NKAIN3: variants seen among roughly 807,000 people sequenced by gnomAD.
NKAIN3 encodes sodium/potassium-transporting ATPase subunit beta-1-interacting protein 3.
A neutral mutation model predicts 30.2 loss-of-function variants in NKAIN3; 25 were observed. The observed-to-expected ratio is 0.83, with a 90% confidence interval of 0.60 to 1.16. NKAIN3 has a LOEUF of 1.16. Ranked by LOEUF, NKAIN3 falls within the 50% of genes most tolerant of loss-of-function variation. The pLI is 0.00. For synonymous variants in NKAIN3, 91 were observed against 89.6 expected (o/e 1.02, Z -0.09); for missense variants, 225 against 254.1 (o/e 0.89, Z 0.78).
chr8:62,908,541 G>A (rs1821846280), intron 4 of NKAIN3, among the ~76,000 whole-genome samples: 1 of 152,136 alleles, frequency 6.6e-6, no homozygotes. Context: ...GAGGGACCCA[G>A]TGGGAGGTAG....
chr8:62,966,383 C>T lies in NKAIN3; in HGVS notation c.*976C>T. On this transcript the variant is annotated 3_prime_UTR_variant, in exon 7 of 7. Transcript: ENST00000623646. Reference sequence around the variant, plus strand: ...AGAAAATGATATGGGAAGCAATTATCTGTGGAAAAAAGGACTGTCTTGAAA... The same window carrying T: ...AGAAAATGATATGGGAAGCAATTATTTGTGGAAAAAAGGACTGTCTTGAAA... The T allele has an allele frequency of 1.0e-6, 1 of 985,176 alleles. No individual in the cohort carries two copies. The highest frequency in any genetic ancestry group is 1.2e-6 in the Non-Finnish European group (1 of 829,752). The allele number at this position is 985,176 out of a possible 1,614,324, so 61.0% of individuals were successfully genotyped here. A position where few individuals can be genotyped will look rare whatever the true frequency, so the allele number is the denominator to read the frequency against.
At chr8:62,304,199 G>A (rs1370897509) in intron 1 of NKAIN3, among the ~76,000 whole-genome samples, 1 of 150,448 alleles carries the variant, frequency 6.6e-6, no homozygotes, top group Non-Finnish European at 1.5e-5. Context: ...TAAGCAGATT[G>A]TCCATTAGGA....
chr8:62,856,404 C>T lies in NKAIN3; in HGVS notation c.472-62049C>T, dbSNP rs1036834681. 45 of 801,118 alleles carry T rather than the reference C, an allele frequency of 5.6e-5. 1 individual carries two copies. Among genetic ancestry groups the T allele is most frequent in the Admixed American group, 3.9e-4 (23 of 58,360 alleles). The allele number at this position is 801,118 out of a possible 1,614,324, so 49.6% of individuals were successfully genotyped here. A position where few individuals can be genotyped will look rare whatever the true frequency, so the allele number is the denominator to read the frequency against. ...GTTTGCTGGATTCCTCAAAGTGAAC[C>T]CTGAGGTCCTCATCCTCTGCTATGC... is the stretch of plus-strand genomic sequence containing the variant. On this transcript the variant is annotated intron_variant, in intron 4 of 6. Transcript: ENST00000623646.
At chr8:62,451,601 T>A (rs559614119) in intron 1 of NKAIN3, among the ~76,000 whole-genome samples, 75 of 152,268 alleles carry the variant, frequency 4.9e-4, no homozygotes, top group African/African-American at 1.7e-3. Context: ...TTAAAACATT[T>A]TGTAGAAGCC....
chr8:62,677,899 G>A (rs966993267), intron 3 of NKAIN3, among the ~76,000 whole-genome samples: 4 of 152,046 alleles, frequency 2.6e-5, no homozygotes, highest in Non-Finnish European at 1.5e-5. Flanking sequence ...CCTATCCCCT[G>A]GTCTAGCTAG....
chr8:62,944,915 C>T (rs78923156), intron 5 of NKAIN3, among the ~76,000 whole-genome samples: 8,633 of 152,122 alleles, frequency 0.057, 340 homozygotes, highest in Non-Finnish European at 0.087. Flanking sequence ...ATATTTGGTG[C>T]TAGTATTTAT....
chr8:62,724,488 T>C (rs1441339728), intron 3 of NKAIN3, among the ~76,000 whole-genome samples: 1 of 152,112 alleles, frequency 6.6e-6, no homozygotes, highest in Non-Finnish European at 1.5e-5. Flanking sequence ...TCATTCTATC[T>C]AACTATATTT....
At chr8:62,425,793 G>T (rs898786338) in intron 1 of NKAIN3, among the ~76,000 whole-genome samples, 2 of 151,994 alleles carry the variant, frequency 1.3e-5, no homozygotes, top group African/African-American at 4.8e-5. Flanking sequence ...GACATTCAAT[G>T]TGACCTTTAG....
intron 3 of NKAIN3, among the ~76,000 whole-genome samples, chr8:62,599,758 A>G (rs1251983216): frequency 2.0e-5 from 3 of 152,024 alleles, no homozygotes; most frequent in African/African-American, 7.2e-5. Context: ...ATTTCCTTCA[A>G]CATGTAAATA....
intron 1 of NKAIN3, among the ~76,000 whole-genome samples, chr8:62,289,819 A>G (rs1813523989): frequency 1.3e-5 from 2 of 152,184 alleles, no homozygotes; most frequent in African/African-American, 2.4e-5. Context: ...TTGAATCTAT[A>G]AATTACCTTG....
chr8:62,304,984 A>G (rs1374057464), intron 1 of NKAIN3, among the ~76,000 whole-genome samples: 1 of 150,446 alleles, frequency 6.6e-6, no homozygotes, highest in African/African-American at 2.5e-5. Flanking sequence ...TAGCTATGTC[A>G]CCTTGGTCAG....
At chr8:62,412,933 A>AAAAAAAAAG (rs1804304786) in intron 1 of NKAIN3, among the ~76,000 whole-genome samples, 1 of 145,150 alleles carries the variant, frequency 6.9e-6, no homozygotes. Flanking sequence ...AAAAAAAAAA[A>AAAAAAAAAG]AACAGCAAAA....
chr8:62,648,194 T>G (rs937291768), intron 3 of NKAIN3, among the ~76,000 whole-genome samples: 1 of 152,120 alleles, frequency 6.6e-6, no homozygotes, highest in Non-Finnish European at 1.5e-5. Flanking sequence ...AAGTACTATG[T>G]CCTGTAAGAC....
chr8:62,520,120 T>TTG (rs1808111235), intron 1 of NKAIN3, among the ~76,000 whole-genome samples: 1 of 152,116 alleles, frequency 6.6e-6, no homozygotes, highest in African/African-American at 2.4e-5. Flanking sequence ...CACCTTAGAT[T>TTG]TGTAGCAAGC....
At chr8:62,850,012 T>C (rs1017854378) in intron 4 of NKAIN3, among the ~76,000 whole-genome samples, 3 of 152,094 alleles carry the variant, frequency 2.0e-5, no homozygotes, top group Non-Finnish European at 4.4e-5. Flanking sequence ...TAGTTCTAGA[T>C]CCCTGAGGAA....
At chr8:62,344,052 A>T (rs1003127409) in intron 1 of NKAIN3, among the ~76,000 whole-genome samples, 1 of 152,088 alleles carries the variant, frequency 6.6e-6, no homozygotes, top group Non-Finnish European at 1.5e-5. Flanking sequence ...TTTCATCTTG[A>T]CATGAAAGTT....
At chr8:62,559,438 G>A (rs1175252389) in intron 1 of NKAIN3, among the ~76,000 whole-genome samples, 1 of 151,956 alleles carries the variant, frequency 6.6e-6, no homozygotes, top group Non-Finnish European at 1.5e-5. Context: ...TAAGACAAAA[G>A]CCTAACATTT....
chr8:62,679,496 A>G (rs1406002037), intron 3 of NKAIN3, among the ~76,000 whole-genome samples: 1 of 152,212 alleles, frequency 6.6e-6, no homozygotes, highest in African/African-American at 2.4e-5. Context: ...TCGAACTGCT[A>G]TAAATAAATA....
rs985046659 is a variant in NKAIN3 at position 62,687,199 on chromosome 8, C to T, written c.274-59733C>T. ...TTCAGGACACAAATTAAACTTTTCT[C>T]ATTAGAGGAATATGTGTGTTTTCAT... On this transcript the variant is annotated intron_variant, in intron 3 of 6. Transcript: ENST00000623646. Among the ~76,000 whole-genome samples the T allele has an allele frequency of 9.2e-5, 14 of 152,308 alleles. No individual in the cohort carries two copies. In the South Asian group the frequency reaches 1.9e-3, roughly 20 times the overall value.
Sources: allele counts gnomAD v4.1 joint callset (sites outside exome capture counted in the v4.1 genomes callset), GRCh38; gene constraint gnomAD v4.1.1; transcripts MANE v1.5; gene names NCBI Gene and HGNC (gene_info 2026-07-23, HGNC 2026-07-21).